The following SGCD variants were observed in gnomAD, a reference collection of about 807,000 sequenced individuals.
SGCD encodes the protein sarcoglycan delta, also known as delta-sarcoglycan.
In SGCD, 18 loss-of-function variants were observed where a neutral mutation model predicts 36.6. The ratio of observed to expected loss-of-function variants is 0.49; its 90% CI spans 0.34 to 0.73. The LOEUF is 0.73. Among genes scored for constraint, SGCD ranks in the 30% least tolerant of loss-of-function variants. SGCD has a pLI of 0.01. For synonymous variants in SGCD, 133 were observed against 130.6 expected (o/e 1.02, Z -0.12); for missense variants, 387 against 346.7 (o/e 1.12, Z -0.92).
intron 4 of SGCD, among the ~76,000 whole-genome samples, chr5:156,520,930 T>C (rs1757374084): frequency 7.0e-6 from 1 of 143,178 alleles, no homozygotes; most frequent in East Asian, 2.1e-4. Flanking sequence ...GGCAGGAGAA[T>C]GGCATGAACC....
intron 3 of SGCD, among the ~76,000 whole-genome samples, chr5:156,217,712 A>G (rs1004572309): frequency 6.6e-6 from 1 of 152,210 alleles, no homozygotes; most frequent in Non-Finnish European, 1.5e-5. Flanking sequence ...CAGGCAGGGC[A>G]TAAATAAATT....
At chr5:156,017,525 C>G (rs10454961) in intron 1 of SGCD, among the ~76,000 whole-genome samples, 35,979 of 151,424 alleles carry the variant, frequency 0.24, 4,757 homozygotes, top group South Asian at 0.37. Context: ...CTATGTATTT[C>G]TTTTAAGGAG....
At chr5:156,384,537 G>A (rs960826292) in intron 3 of SGCD, among the ~76,000 whole-genome samples, 7 of 152,096 alleles carry the variant, frequency 4.6e-5, no homozygotes, top group African/African-American at 1.4e-4. Flanking sequence ...GGACAGTGAC[G>A]ATAGAACACC....
chr5:155,903,778 C>T (rs1036091853), intron 1 of SGCD, among the ~76,000 whole-genome samples: 10 of 152,098 alleles, frequency 6.6e-5, no homozygotes, highest in Admixed American at 5.9e-4. Flanking sequence ...AAATCCTGGG[C>T]ACAATGTATT....
intron 3 of SGCD, among the ~76,000 whole-genome samples, chr5:156,212,301 G>A (rs573647452): frequency 1.3e-5 from 2 of 152,334 alleles, no homozygotes; most frequent in Non-Finnish European, 2.9e-5. Context: ...TAGAGTGAGA[G>A]TGAAGGCATG....
intron 3 of SGCD, among the ~76,000 whole-genome samples, chr5:156,130,044 T>C (rs899150204): frequency 6.6e-6 from 1 of 152,230 alleles, no homozygotes; most frequent in Admixed American, 6.5e-5. Flanking sequence ...ATTCTGCTTT[T>C]AGCTGTTTGA....
At chr5:155,892,162 T>C (rs913578821) in intron 1 of SGCD, among the ~76,000 whole-genome samples, 1 of 152,036 alleles carries the variant, frequency 6.6e-6, no homozygotes, top group Admixed American at 6.6e-5. Flanking sequence ...AAGCAGGACA[T>C]GAAAGAATGA....
At chr5:156,296,808 T>G (rs1766903941) in intron 3 of SGCD, among the ~76,000 whole-genome samples, 1 of 152,160 alleles carries the variant, frequency 6.6e-6, no homozygotes, top group Non-Finnish European at 1.5e-5. Context: ...CTGTATTTTC[T>G]TATTATCTTC....
At chr5:156,024,376 C>T (rs1759179681) in intron 1 of SGCD, among the ~76,000 whole-genome samples, 1 of 151,574 alleles carries the variant, frequency 6.6e-6, no homozygotes, top group Non-Finnish European at 1.5e-5. Context: ...GAAGAGACAA[C>T]ATTTGGCCTA....
intron 7 of SGCD, among the ~76,000 whole-genome samples, chr5:156,756,655 T>C (rs1168965600): frequency 6.6e-6 from 1 of 152,250 alleles, no homozygotes; most frequent in East Asian, 1.9e-4. Flanking sequence ...TATCCTGTTT[T>C]GCCATCATAA....
intron 4 of SGCD, among the ~76,000 whole-genome samples, chr5:156,564,936 C>T (rs1212737249): frequency 1.3e-5 from 2 of 152,166 alleles, no homozygotes; most frequent in East Asian, 3.8e-4. Flanking sequence ...AGCACATTGA[C>T]TTAACAGCTT....
Position 156,408,990 on chromosome 5 carries a change from T to C in SGCD, c.192+64313T>C, listed in dbSNP as rs111361981. ...TTCTCCCTAGTGAATGGGGCTTATA[T>C]TCTCCTGGAAGTAGGAAGACAAAAA... is the stretch of plus-strand genomic sequence containing the variant. On this transcript the variant is annotated intron_variant, in intron 3 of 8. Transcript: ENST00000337851. 2.9e-3 allele frequency among the ~76,000 whole-genome samples: 447 copies of C among 152,256 alleles called. 3 individuals carry two copies. Among genetic ancestry groups the C allele is most frequent in the Non-Finnish European group, 4.3e-3 (294 of 68,006 alleles).
chr5:156,197,884 A>T (rs80347451), intron 3 of SGCD, among the ~76,000 whole-genome samples: 2,316 of 152,188 alleles, frequency 0.015, 26 homozygotes, highest in Non-Finnish European at 0.026. Context: ...ATATGGAATG[A>T]TTAAACTATG....
At chr5:156,200,217 T>C (rs983071711) in intron 3 of SGCD, among the ~76,000 whole-genome samples, 3 of 151,838 alleles carry the variant, frequency 2.0e-5, no homozygotes, top group Non-Finnish European at 2.9e-5. Flanking sequence ...CAAAACAATC[T>C]AGAAAAAGAA....
chr5:155,787,465 G>A, the SGCD span, among the ~76,000 whole-genome samples: 1 of 152,070 alleles, frequency 6.6e-6, no homozygotes, highest in East Asian at 1.9e-4. Flanking sequence ...GCATCATGAG[G>A]ATGCCCCATG....
At chr5:156,710,134 A>G (rs527567663) in intron 7 of SGCD, among the ~76,000 whole-genome samples, 26 of 152,304 alleles carry the variant, frequency 1.7e-4, no homozygotes, top group Admixed American at 1.6e-3. Context: ...GAATAGTGGT[A>G]GACAAAAAGG....
chr5:156,509,206 A>G (rs1756832618), intron 4 of SGCD, among the ~76,000 whole-genome samples: 1 of 152,128 alleles, frequency 6.6e-6, no homozygotes, highest in Non-Finnish European at 1.5e-5. Context: ...TGGGCAGATC[A>G]CCTGAAGTAG....
chr5:156,557,410 G>A (rs1360366601), intron 4 of SGCD, among the ~76,000 whole-genome samples: 1 of 152,106 alleles, frequency 6.6e-6, no homozygotes, highest in Non-Finnish European at 1.5e-5. Context: ...GAATTTGGGG[G>A]AAGCCAAAAT....
At chr5:156,557,042 G>A (rs1759052946) in intron 4 of SGCD, among the ~76,000 whole-genome samples, 1 of 152,108 alleles carries the variant, frequency 6.6e-6, no homozygotes, top group Non-Finnish European at 1.5e-5. Flanking sequence ...TAATTTCCTG[G>A]CTTTTGAGGA....
Sources: allele counts gnomAD v4.1 joint callset (sites outside exome capture counted in the v4.1 genomes callset), GRCh38; gene constraint gnomAD v4.1.1; transcripts MANE v1.5; gene names NCBI Gene and HGNC (gene_info 2026-07-23, HGNC 2026-07-21).